SUCLG2: variants seen among roughly 807,000 people sequenced by gnomAD.
SUCLG2 encodes succinate-CoA ligase GDP-forming subunit beta.
Under a neutral mutation model 47.9 loss-of-function variants are expected in SUCLG2, and 42 were observed. That is an observed-to-expected ratio of 0.88 (90% CI 0.69 to 1.14). The LOEUF is 1.14. SUCLG2 is among the 50% of genes most tolerant of loss of function. The pLI is 0.00. For missense variants in SUCLG2, 571 were observed against 525.9 expected (o/e 1.09, Z -0.84); for synonymous variants, 195 against 197.3 (o/e 0.99, Z 0.10).
chr3:67,367,215 T>C (rs1575651379), intron 10 of SUCLG2, among the ~76,000 whole-genome samples: 1 of 152,322 alleles, frequency 6.6e-6, no homozygotes, highest in East Asian at 1.9e-4. Flanking sequence ...GATTTTTAAA[T>C]GTTATTTGAA....
intron 9 of SUCLG2, among the ~76,000 whole-genome samples, chr3:67,478,463 C>T (rs1213570274): frequency 1.3e-5 from 2 of 152,168 alleles, no homozygotes; most frequent in African/African-American, 2.4e-5. Flanking sequence ...ATGACCCTTT[C>T]GGTTGGATAA....
chr3:67,420,894 G>T (rs1410658028), intron 9 of SUCLG2, among the ~76,000 whole-genome samples: 2 of 152,214 alleles, frequency 1.3e-5, no homozygotes, highest in South Asian at 4.1e-4. Flanking sequence ...CTTTCCCCTT[G>T]CAGTAATCCT....
At chr3:67,548,808 C>T (rs1294141201) in intron 2 of SUCLG2, among the ~76,000 whole-genome samples, 2 of 152,142 alleles carry the variant, frequency 1.3e-5, no homozygotes, top group Non-Finnish European at 2.9e-5. Context: ...TTAATTTATA[C>T]ACCTTAGCAC....
At chr3:67,503,894 A>G (rs1575739843) in intron 7 of SUCLG2, among the ~76,000 whole-genome samples, 1 of 152,184 alleles carries the variant, frequency 6.6e-6, no homozygotes, top group Non-Finnish European at 1.5e-5. Flanking sequence ...AGAAAACATG[A>G]CTGGCAGTTA....
At chr3:67,376,261 T>C (rs923184977) in intron 10 of SUCLG2, 11 of 985,318 alleles carry the variant, frequency 1.1e-5, no homozygotes, top group Admixed American at 6.1e-5. Context: ...TGCCCAGCTA[T>C]GTCCACAAAT....
At chr3:67,512,564 C>CATAT (rs145314149) in intron 6 of SUCLG2, among the ~76,000 whole-genome samples, 8,214 of 149,464 alleles carry the variant, frequency 0.055, 380 homozygotes, top group East Asian at 0.18. Flanking sequence ...CTTCTGGGTA[C>CATAT]ACATATATAT....
intron 9 of SUCLG2, among the ~76,000 whole-genome samples, chr3:67,457,687 T>A (rs1377302195): frequency 7.4e-6 from 1 of 134,394 alleles, no homozygotes; most frequent in Non-Finnish European, 1.7e-5. Flanking sequence ...AAAGCAGCTT[T>A]TTTTTTTTTT....
chr3:67,550,871 A>C (rs563986754), intron 2 of SUCLG2, among the ~76,000 whole-genome samples: 37 of 149,874 alleles, frequency 2.5e-4, no homozygotes, highest in Admixed American at 6.6e-4. Flanking sequence ...AAAAGTGCTT[A>C]CGTTTAAGAG....
intron 8 of SUCLG2, among the ~76,000 whole-genome samples, chr3:67,497,536 C>G (rs1705379430): frequency 6.6e-6 from 1 of 152,112 alleles, no homozygotes; most frequent in Non-Finnish European, 1.5e-5. Flanking sequence ...ATGGATTAAA[C>G]ATTTCATCCT....
At chr3:67,552,853 C>T (rs1303776808) in intron 2 of SUCLG2, among the ~76,000 whole-genome samples, 1 of 152,122 alleles carries the variant, frequency 6.6e-6, no homozygotes, top group Non-Finnish European at 1.5e-5. Flanking sequence ...GATTTGGCCC[C>T]AAATCATTTG....
chr3:67,506,289 TG>T (rs1292451312), intron 7 of SUCLG2, among the ~76,000 whole-genome samples: 7 of 152,218 alleles, frequency 4.6e-5, no homozygotes, highest in African/African-American at 1.4e-4. Context: ...ATTTCCTAAT[TG>T]GGTTTAATTT....
chr3:67,372,953 A>G (rs1436962487), downstream of SUCLG2, among the ~76,000 whole-genome samples: 1 of 152,194 alleles, frequency 6.6e-6, no homozygotes, highest in East Asian at 1.9e-4. Context: ...GTAGCCACAG[A>G]CAACATGCAC....
intron 9 of SUCLG2, among the ~76,000 whole-genome samples, chr3:67,444,125 C>T (rs1328626825): frequency 3.8e-4 from 32 of 84,048 alleles, no homozygotes; most frequent in African/African-American, 9.7e-4. Flanking sequence ...GTCAGCCCCC[C>T]GCCTGGCCAG....
At chr3:67,443,892 C>G (rs867215054) in intron 9 of SUCLG2, among the ~76,000 whole-genome samples, 4 of 78,692 alleles carry the variant, frequency 5.1e-5, no homozygotes, top group East Asian at 5.3e-4. Flanking sequence ...CCTCTCCACC[C>G]GGCAGCCACC....
At chr3:67,484,126 T>G (rs1704988930) in intron 9 of SUCLG2, among the ~76,000 whole-genome samples, 1 of 152,228 alleles carries the variant, frequency 6.6e-6, no homozygotes, top group South Asian at 2.1e-4. Context: ...CCACAATCCT[T>G]CCTGTACAAC....
intron 9 of SUCLG2, among the ~76,000 whole-genome samples, chr3:67,417,187 T>C (rs1217401145): frequency 2.6e-5 from 4 of 152,320 alleles, no homozygotes; most frequent in Admixed American, 6.5e-5. Flanking sequence ...CCAACGTAAG[T>C]GTAAATTTTC....
downstream of SUCLG2, among the ~76,000 whole-genome samples, chr3:67,370,699 A>G (rs1258722024): frequency 2.0e-5 from 3 of 152,220 alleles, no homozygotes; most frequent in African/African-American, 7.2e-5. Flanking sequence ...AAATTGAACA[A>G]TTATGACAAT....
rs1369668426 is a variant in SUCLG2, at chr3:67,587,450, G to A, written c.226+22005C>T. 2.0e-5 allele frequency among the ~76,000 whole-genome samples: 3 copies of A among 152,238 alleles called. No homozygotes were observed. In the South Asian group the frequency reaches 6.2e-4, roughly 32 times the overall value. On this transcript the variant is annotated intron_variant, in intron 2 of 10. Coordinates refer to ENST00000307227, the MANE Select transcript of SUCLG2 (RefSeq NM_003848.4). The stretch of plus-strand genomic sequence containing the variant: ...CATAATAACCGTGGCATTTCTTTTC[G>A]TTCTGCATTCAGCCTGGCTAATTCA...
intron 1 of SUCLG2, among the ~76,000 whole-genome samples, chr3:67,632,580 C>A (rs975558911): frequency 2.6e-5 from 4 of 152,108 alleles, no homozygotes; most frequent in Non-Finnish European, 5.9e-5. Flanking sequence ...AGATCATGGA[C>A]ACTGGATCAC....
Sources: gnomAD v4.1 joint callset for allele counts (sites outside exome capture counted in the v4.1 genomes callset) on GRCh38, gnomAD v4.1.1 for gene constraint, MANE v1.5 for transcripts, NCBI Gene and HGNC (gene_info 2026-07-23, HGNC 2026-07-21) for gene names.